CRTC3: variants seen among roughly 807,000 people sequenced by gnomAD.
CRTC3 encodes the protein CREB-regulated transcription coactivator 3.
Under a neutral mutation model 74.5 loss-of-function variants are expected in CRTC3, and 26 were observed. The ratio of observed to expected loss-of-function variants is 0.35; its 90% CI spans 0.26 to 0.48. The LOEUF (loss-of-function observed/expected upper bound fraction) is 0.48. CRTC3 is among the 20% of genes least tolerant of loss of function. The pLI is 0.99. For synonymous variants in CRTC3, 377 were observed against 325.8 expected, an observed-to-expected ratio of 1.16 and a Z score of -1.69; for missense variants, 760 against 787.3, an observed-to-expected ratio of 0.97 and a Z score of 0.41.
rs1968864453 is a variant in CRTC3, at chr15:90,627,133, C to CG, written c.967+1140_967+1141insG. The stretch of plus-strand genomic sequence containing the variant: ...CCACCCAAATGAGAGTGGTCCCCTT[C>CG]AGGGGGGGTCACCTGGAAGTTTTTC... On this transcript the variant is annotated intron_variant, in intron 10 of 14. Coordinates refer to ENST00000268184, the MANE Select transcript of CRTC3 (RefSeq NM_022769.5). 2.0e-5 allele frequency among the ~76,000 whole-genome samples: 3 copies of CG among 152,236 alleles called. 1 individual carries two copies. In the East Asian group the frequency reaches 5.8e-4, roughly 29 times the overall value.
At chr15:90,622,418 C>T (rs77984078) in intron 9 of CRTC3, among the ~76,000 whole-genome samples, 33 of 152,302 alleles carry the variant, frequency 2.2e-4, no homozygotes, top group African/African-American at 7.7e-4. Flanking sequence ...TGCCTTCACT[C>T]CCACCTGATC....
chr15:90,549,548 G>A (rs1278395853), intron 2 of CRTC3, among the ~76,000 whole-genome samples: 1 of 152,020 alleles, frequency 6.6e-6, no homozygotes, highest in Non-Finnish European at 1.5e-5. Flanking sequence ...GGCCGAGGCG[G>A]GCAGATTGCT....
At chr15:90,579,775 G>A (rs1202756274) in intron 2 of CRTC3, among the ~76,000 whole-genome samples, 1 of 150,756 alleles carries the variant, frequency 6.6e-6, no homozygotes, top group African/African-American at 2.4e-5. Context: ...CCCAGTAGCT[G>A]GGAGCACAGG....
chr15:90,543,132 C>T (rs974281381), intron 2 of CRTC3, among the ~76,000 whole-genome samples: 480 of 41,010 alleles, frequency 0.012, 3 homozygotes, highest in African/African-American at 0.045. Flanking sequence ...CCTGTCTCTA[C>T]TGAAAAAAAA....
chr15:90,621,685 G>C (rs1968657337), intron 9 of CRTC3, among the ~76,000 whole-genome samples: 1 of 152,092 alleles, frequency 6.6e-6, no homozygotes, highest in Admixed American at 6.5e-5. Context: ...TGAACTCCTA[G>C]TCTCAAGTGA....
At chr15:90,640,534 A>G (rs1361743607) in intron 13 of CRTC3, among the ~76,000 whole-genome samples, 3 of 152,094 alleles carry the variant, frequency 2.0e-5, no homozygotes, top group African/African-American at 4.8e-5. Flanking sequence ...AAAAAAATAC[A>G]AAAATTAGCC....
chr15:90,641,297 C>A (rs1404801475), intron 14 of CRTC3, 98 bp downstream of exon 14: 4 of 864,144 alleles, frequency 4.6e-6, no homozygotes, highest in South Asian at 4.5e-5. Context: ...TTATATAAAG[C>A]AAAAAGTTAA....
intron 6 of CRTC3, among the ~76,000 whole-genome samples, chr15:90,610,621 T>C (rs1259788225): frequency 6.6e-6 from 1 of 152,232 alleles, no homozygotes; most frequent in African/African-American, 2.4e-5. Context: ...ATAATTTCTC[T>C]CTTTTTGTTT....
At chr15:90,612,575 G>T (rs773375234) in intron 6 of CRTC3, among the ~76,000 whole-genome samples, 13 of 151,868 alleles carry the variant, frequency 8.6e-5, no homozygotes, top group South Asian at 2.1e-4. Flanking sequence ...CGAGTGACTG[G>T]TGTCTTGATG....
chr15:90,544,445 C>T (rs1402918087), intron 2 of CRTC3, among the ~76,000 whole-genome samples: 1 of 152,148 alleles, frequency 6.6e-6, no homozygotes, highest in Non-Finnish European at 1.5e-5. Flanking sequence ...CTTTTGGTGG[C>T]CATAATTTAA....
At chr15:90,628,216 CAAA>C (rs1233109884) in intron 10 of CRTC3, among the ~76,000 whole-genome samples, 15 of 150,546 alleles carry the variant, frequency 1.0e-4, no homozygotes, top group African/African-American at 2.2e-4. Context: ...GACTCTGTCT[CAAA>C]AAAAATAATA....
At position 90,643,728 on chromosome 15, in the gene CRTC3, A is replaced by AG. The variant is rs983562770; in HGVS notation, c.*1596dup. 1.6e-3 allele frequency: 345 copies of AG among 210,864 alleles called. No homozygotes were observed. The highest frequency in any genetic ancestry group is 5.3e-3 in the African/African-American group (226 of 42,720). The allele number at this position is 210,864 out of a possible 1,614,324, so 13.1% of individuals were successfully genotyped here. A position where few individuals can be genotyped will look rare whatever the true frequency, so the allele number is the denominator to read the frequency against. On this transcript the variant is annotated 3_prime_UTR_variant, in exon 15 of 15. Transcript: ENST00000268184. ...GAAGGGGGCAGAGCACTGCAGGGGGAGGGGGGGGTCTAGGCTGTGAGAGGA... is the reference window on the plus strand; with the variant it reads ...GAAGGGGGCAGAGCACTGCAGGGGGAGGGGGGGGGTCTAGGCTGTGAGAGGA...
intron 2 of CRTC3, among the ~76,000 whole-genome samples, chr15:90,552,434 GTC>G (rs899170130): frequency 5.3e-5 from 8 of 152,186 alleles, no homozygotes; most frequent in African/African-American, 1.9e-4. Flanking sequence ...CAGAAATTCT[GTC>G]TCTGTTTCTG....
chr15:90,559,746 C>A (rs1567165804), intron 2 of CRTC3, among the ~76,000 whole-genome samples: 2 of 152,064 alleles, frequency 1.3e-5, no homozygotes, highest in African/African-American at 2.4e-5. Flanking sequence ...CACCTCAGCC[C>A]CCCAAGTAGC....
rs938855367 is a variant in CRTC3, at chr15:90,556,956, G to T, written c.231+16819G>T. Among the ~76,000 whole-genome samples, 363 of 108,906 alleles carry T rather than the reference G, an allele frequency of 3.3e-3. 2 individuals are homozygous for T. The highest frequency in any genetic ancestry group is 4.6e-3 in the Non-Finnish European group (260 of 56,596). The allele number at this position is 108,906 out of a possible 152,430, so 71.4% of individuals were successfully genotyped here. A position where few individuals can be genotyped will look rare whatever the true frequency, so the allele number is the denominator to read the frequency against. ...ATTATTCTCTTTATAATCACCACAT[G>T]GCTATATATATATATATATATATAT... On this transcript the variant is annotated intron_variant, in intron 2 of 14. Coordinates refer to ENST00000268184, the MANE Select transcript of CRTC3 (RefSeq NM_022769.5).
At chr15:90,632,208 G>C (rs960464556) in intron 11 of CRTC3, among the ~76,000 whole-genome samples, 1 of 151,924 alleles carries the variant, frequency 6.6e-6, no homozygotes, top group African/African-American at 2.4e-5. Flanking sequence ...AGATCTAAAA[G>C]TATTCTTGCT....
intron 14 of CRTC3, among the ~76,000 whole-genome samples, chr15:90,641,528 T>A (rs1316904848): frequency 6.6e-6 from 1 of 151,944 alleles, no homozygotes; most frequent in Non-Finnish European, 1.5e-5. Flanking sequence ...AAACCCCGTC[T>A]CTACTAAAAA....
chr15:90,625,096 G>A (rs1303296532), intron 9 of CRTC3: 1 of 152,766 alleles, frequency 6.5e-6, no homozygotes, highest in Non-Finnish European at 1.5e-5. Context: ...ATAGAACAAA[G>A]TTCATGTAAG....
intron 2 of CRTC3, among the ~76,000 whole-genome samples, chr15:90,555,889 G>A (rs1349072305): frequency 2.6e-5 from 4 of 152,012 alleles, no homozygotes; most frequent in African/African-American, 7.3e-5. Flanking sequence ...TTTATAGCTT[G>A]TTCCTTAATT....
Sources: gnomAD v4.1 joint callset for allele counts (sites outside exome capture counted in the v4.1 genomes callset) on GRCh38, gnomAD v4.1.1 for gene constraint, MANE v1.5 for transcripts, NCBI Gene and HGNC (gene_info 2026-07-23, HGNC 2026-07-21) for gene names.